LRFN5: variants seen among roughly 807,000 people sequenced by gnomAD.
The protein encoded by LRFN5 is leucine rich repeat and fibronectin type III domain containing 5, also known as leucine-rich repeat and fibronectin type-III domain-containing protein 5.
LRFN5 carries 24 observed loss-of-function variants against 45.6 expected under a neutral mutation model. The observed-to-expected ratio is 0.53, with a 90% CI of 0.38 to 0.74. The LOEUF (loss-of-function observed/expected upper bound fraction) is 0.74. Among genes scored for constraint, LRFN5 ranks in the 30% least tolerant of loss-of-function variants. The probability of loss-of-function intolerance (pLI) is 0.00; values close to 1 mark genes in which losing one functional copy is unlikely to be tolerated. For missense variants in LRFN5, 776 were observed against 861.5 expected (o/e 0.90, Z 1.24); for synonymous variants, 340 against 313.8 (o/e 1.08, Z -0.88).
At chr14:41,737,171 T>C (rs1320268150) in intron 1 of LRFN5, among the ~76,000 whole-genome samples, 1 of 152,148 alleles carries the variant, frequency 6.6e-6, no homozygotes, top group African/African-American at 2.4e-5. Context: ...GTTGGCTTTA[T>C]CCCTGGCATG....
At chr14:41,646,355 C>G (rs1879819727) in intron 1 of LRFN5, among the ~76,000 whole-genome samples, 1 of 151,982 alleles carries the variant, frequency 6.6e-6, no homozygotes, top group African/African-American at 2.4e-5. Flanking sequence ...CTTTCTATTC[C>G]TATTCCTATA....
At chr14:41,814,997 C>T (rs759454409) in intron 2 of LRFN5, among the ~76,000 whole-genome samples, 3 of 151,896 alleles carry the variant, frequency 2.0e-5, no homozygotes, top group Non-Finnish European at 2.9e-5. Context: ...ACTTGAAGAA[C>T]TAAAAAAAAG....
At chr14:41,771,336 C>T (rs184233866) in intron 2 of LRFN5, among the ~76,000 whole-genome samples, 9 of 152,004 alleles carry the variant, frequency 5.9e-5, no homozygotes, top group African/African-American at 1.9e-4. Flanking sequence ...CTTCTGGTCA[C>T]GCATGCCTCT....
intron 1 of LRFN5, chr14:41,731,333 C>T (rs1884169201): frequency 6.6e-6 from 1 of 151,896 alleles, no homozygotes; most frequent in Non-Finnish European, 1.5e-5. Context: ...ACAAACTTAA[C>T]CAGATTTGAT....
At chr14:41,892,056 C>G in intron 4 of LRFN5, 94 bp downstream of exon 4, 1 of 1,509,780 alleles carries the variant, frequency 6.6e-7, no homozygotes, top group Non-Finnish European at 8.8e-7. Flanking sequence ...TATATTAACT[C>G]GCCGAACACA....
chr14:41,822,086 ATTTG>A (rs980721302), intron 2 of LRFN5, among the ~76,000 whole-genome samples: 39 of 151,480 alleles, frequency 2.6e-4, no homozygotes, highest in African/African-American at 8.2e-4. Flanking sequence ...ATCCTAGCAA[ATTTG>A]TTTATCTTTT....
At chr14:41,731,034 A>G (rs1884152144) in intron 1 of LRFN5, among the ~76,000 whole-genome samples, 1 of 152,002 alleles carries the variant, frequency 6.6e-6, no homozygotes, top group Admixed American at 6.6e-5. Context: ...GTAGTTATAT[A>G]TTTCAAGACT....
intron 2 of LRFN5, among the ~76,000 whole-genome samples, chr14:41,792,838 A>C (rs1396633492): frequency 6.6e-6 from 1 of 152,082 alleles, no homozygotes; most frequent in Non-Finnish European, 1.5e-5. Flanking sequence ...CTCAGCTTAC[A>C]AAGATAACAG....
At chr14:41,787,690 T>C (rs916400530) in intron 2 of LRFN5, among the ~76,000 whole-genome samples, 4 of 151,988 alleles carry the variant, frequency 2.6e-5, no homozygotes, top group African/African-American at 9.7e-5. Context: ...TTTATGTTTG[T>C]TTTTTCATTA....
chr14:41,689,780 A>C lies in LRFN5; in HGVS notation c.-196-77074A>C, dbSNP rs1031529648. 8.7e-4 allele frequency among the ~76,000 whole-genome samples: 130 copies of C among 150,200 alleles called. No homozygotes were observed. In the Middle Eastern group the frequency reaches 0.01, roughly 12 times the overall value. On this transcript the variant is annotated intron_variant, in intron 1 of 5. Coordinates refer to ENST00000298119, the MANE Select transcript of LRFN5 (RefSeq NM_152447.5). ...CGTGATGGCGGGCGCCTGTAGTCCC[A>C]GCTACTCGGGAGGCTGAGGCAGGAG...
At chr14:41,709,367 G>A (rs1383791635) in intron 1 of LRFN5, among the ~76,000 whole-genome samples, 1 of 151,930 alleles carries the variant, frequency 6.6e-6, no homozygotes, top group Non-Finnish European at 1.5e-5. Context: ...AACCTGCTCT[G>A]TACATTTTTG....
chr14:41,681,824 ATTTT>A lies in LRFN5; in HGVS notation c.-197+73271_-197+73274del, dbSNP rs201760109. Among the ~76,000 whole-genome samples the A allele has an allele frequency of 1.7e-3, 119 of 70,130 alleles. No homozygotes were observed. The East Asian group carries it at 0.29, about 171-fold the overall frequency. 46.0% of individuals were successfully genotyped at this position (70,130 alleles called of 152,430 possible). On this transcript the variant is annotated intron_variant, in intron 1 of 5. Coordinates refer to ENST00000298119, the MANE Select transcript of LRFN5 (RefSeq NM_152447.5). The stretch of plus-strand genomic sequence containing the variant: ...TATTTATTTATTTATTTATTTATTT[ATTTT>A]TTTTTTTTGTGATGGAGTCTCACTC...
At chr14:41,713,179 G>C (rs1883353271) in intron 1 of LRFN5, among the ~76,000 whole-genome samples, 1 of 152,052 alleles carries the variant, frequency 6.6e-6, no homozygotes, top group Admixed American at 6.6e-5. Context: ...GAAAATATTT[G>C]AAAATGACTA....
At chr14:41,868,919 C>G (rs1889927702) in intron 2 of LRFN5, among the ~76,000 whole-genome samples, 1 of 152,108 alleles carries the variant, frequency 6.6e-6, no homozygotes, top group Admixed American at 6.6e-5. Flanking sequence ...AACTACATTC[C>G]CTCCAATCAC....
chr14:41,676,762 C>T (rs891963879), intron 1 of LRFN5, among the ~76,000 whole-genome samples: 2 of 152,128 alleles, frequency 1.3e-5, no homozygotes, highest in Admixed American at 1.3e-4. Flanking sequence ...AACCACTGAT[C>T]ATGCATTATT....
chr14:41,781,584 GAAAGAAAGAAAGAAAGAA>G (rs1886499778), intron 2 of LRFN5, among the ~76,000 whole-genome samples: 1 of 117,360 alleles, frequency 8.5e-6, no homozygotes, highest in Non-Finnish European at 1.8e-5. Context: ...AAGAAAGAAA[GAAAGAAAGAAAGAAAGAA>G]AGAAAGAAAG....
intron 2 of LRFN5, among the ~76,000 whole-genome samples, chr14:41,856,057 G>C (rs2139086035): frequency 6.6e-6 from 1 of 152,146 alleles, no homozygotes; most frequent in South Asian, 2.1e-4. Context: ...TGTTGTAAAG[G>C]AGTTAAGTTT....
intron 2 of LRFN5, among the ~76,000 whole-genome samples, chr14:41,876,444 C>CT (rs71105408): frequency 0.13 from 16,712 of 128,886 alleles, 1,086 homozygotes; most frequent in East Asian, 0.21. Flanking sequence ...CCATGCCTGG[C>CT]TTTTTTTTTT....
chr14:41,879,004 AATC>A (rs1366504687), intron 2 of LRFN5, among the ~76,000 whole-genome samples: 11 of 152,086 alleles, frequency 7.2e-5, no homozygotes, highest in African/African-American at 2.7e-4. Context: ...ACTTGGGAAA[AATC>A]ATTAATCACA....
Sources: gnomAD v4.1 joint callset for allele counts (sites outside exome capture counted in the v4.1 genomes callset) on GRCh38, gnomAD v4.1.1 for gene constraint, MANE v1.5 for transcripts, NCBI Gene and HGNC (gene_info 2026-07-23, HGNC 2026-07-21) for gene names.